Variants in SGCD observed in about 807,000 individuals in gnomAD.
SGCD encodes the protein delta-sarcoglycan.
In SGCD, 18 loss-of-function variants were observed where a neutral mutation model predicts 36.6. The observed-to-expected ratio is 0.49, with a 90% CI of 0.34 to 0.73. The LOEUF (loss-of-function observed/expected upper bound fraction) is 0.73. SGCD is among the 30% of genes least tolerant of loss of function. The probability of loss-of-function intolerance (pLI) is 0.01; values close to 1 mark genes in which losing one functional copy is unlikely to be tolerated. For missense variants in SGCD, 387 were observed against 346.7 expected (o/e 1.12, Z -0.92); for synonymous variants, 133 against 130.6 (o/e 1.02, Z -0.12).
chr5:156,441,139 G>C (rs1483566462), intron 3 of SGCD, among the ~76,000 whole-genome samples: 1 of 152,124 alleles, frequency 6.6e-6, no homozygotes, highest in Non-Finnish European at 1.5e-5. Context: ...GTTGGTGGGA[G>C]TGGCTTTGGA....
At position 155,968,815 on chromosome 5, in the gene SGCD, G is replaced by A. The variant is rs928503983; in HGVS notation, c.-282+98391G>A. ...TGTAGTCCCTGCTCTATAAACACTA[G>A]TTAAATGTGTGGGTGTGTCTTCCAG... On this transcript the variant is annotated intron_variant, in intron 1 of 9. Coordinates refer to the SGCD transcript ENST00000517913. Among the ~76,000 whole-genome samples the A allele has an allele frequency of 2.6e-5, 4 of 152,070 alleles. 1 individual carries two copies. Among genetic ancestry groups the A allele is most frequent in the Admixed American group, 2.6e-4 (4 of 15,252 alleles).
At chr5:156,529,571 C>T (rs990007549) in intron 4 of SGCD, among the ~76,000 whole-genome samples, 2 of 150,448 alleles carry the variant, frequency 1.3e-5, no homozygotes, top group African/African-American at 4.9e-5. Flanking sequence ...TCCATCAAAA[C>T]AGATTCATCT....
intron 3 of SGCD, among the ~76,000 whole-genome samples, chr5:156,216,752 A>G (rs1047978852): frequency 6.6e-6 from 1 of 152,248 alleles, no homozygotes; most frequent in Non-Finnish European, 1.5e-5. Context: ...TACCTAAATA[A>G]TATACATTTT....
At chr5:156,692,165 C>G (rs1286730145) in intron 7 of SGCD, among the ~76,000 whole-genome samples, 2 of 152,196 alleles carry the variant, frequency 1.3e-5, no homozygotes, top group African/African-American at 4.8e-5. Context: ...CATCTCAAGA[C>G]TCTACAAAGT....
intron 3 of SGCD, among the ~76,000 whole-genome samples, chr5:156,240,024 G>A (rs906309275): frequency 6.6e-6 from 1 of 152,146 alleles, no homozygotes; most frequent in African/African-American, 2.4e-5. Flanking sequence ...GGCCAAGTCG[G>A]GACTGTGGGG....
chr5:155,788,803 C>A, the SGCD span, among the ~76,000 whole-genome samples: 5 of 152,076 alleles, frequency 3.3e-5, no homozygotes, highest in African/African-American at 1.2e-4. Context: ...CATCACTAGG[C>A]AGAACATCCT....
At chr5:156,222,452 T>C (rs1764738137) in intron 3 of SGCD, among the ~76,000 whole-genome samples, 4 of 152,132 alleles carry the variant, frequency 2.6e-5, no homozygotes, top group Non-Finnish European at 5.9e-5. Context: ...GAAACTCTTA[T>C]ATCTGACATC....
chr5:156,622,453 T>C (rs1452723116), intron 6 of SGCD, among the ~76,000 whole-genome samples: 1 of 141,594 alleles, frequency 7.1e-6, no homozygotes, highest in Non-Finnish European at 1.5e-5. Flanking sequence ...ATAATAATAA[T>C]AATAATAATA....
intron 6 of SGCD, among the ~76,000 whole-genome samples, chr5:156,607,498 TAA>T (rs1455521591): frequency 2.0e-5 from 3 of 152,248 alleles, no homozygotes; most frequent in African/African-American, 7.2e-5. Context: ...GATATTGGTC[TAA>T]AATTCTCTTT....
At chr5:155,963,735 A>G (rs1353908907) in intron 1 of SGCD, among the ~76,000 whole-genome samples, 1 of 152,112 alleles carries the variant, frequency 6.6e-6, no homozygotes, top group Non-Finnish European at 1.5e-5. Context: ...AGTCTTCCTT[A>G]TTCTCCTCTT....
chr5:155,797,082 C>T, the SGCD span, among the ~76,000 whole-genome samples: 2 of 151,986 alleles, frequency 1.3e-5, no homozygotes, highest in African/African-American at 4.8e-5. Context: ...TCTAAAGATA[C>T]TAAAAATGTG....
chr5:156,185,271 G>A (rs533301349), intron 3 of SGCD, among the ~76,000 whole-genome samples: 4 of 146,772 alleles, frequency 2.7e-5, no homozygotes, highest in Non-Finnish European at 5.9e-5. Flanking sequence ...CTGGAGTGCA[G>A]TGGCACAATC....
At chr5:155,946,638 CA>C (rs1757443104) in intron 1 of SGCD, among the ~76,000 whole-genome samples, 1 of 151,956 alleles carries the variant, frequency 6.6e-6, no homozygotes, top group Admixed American at 6.6e-5. Context: ...GTTTTCATGC[CA>C]AAAACAACAC....
chr5:156,114,800 G>A (rs866751371), intron 1 of SGCD, among the ~76,000 whole-genome samples: 2 of 151,984 alleles, frequency 1.3e-5, no homozygotes, highest in African/African-American at 2.4e-5. Context: ...ATTGATTAAT[G>A]TTCTTACAGG....
the SGCD span, among the ~76,000 whole-genome samples, chr5:155,828,982 C>T: frequency 1.3e-5 from 2 of 151,732 alleles, no homozygotes; most frequent in Non-Finnish European, 2.9e-5. Flanking sequence ...ATCACTTCTA[C>T]TATTATTATT....
the SGCD span, among the ~76,000 whole-genome samples, chr5:155,772,957 A>G: frequency 2.0e-5 from 3 of 152,062 alleles, no homozygotes; most frequent in Non-Finnish European, 4.4e-5. Context: ...TGGAACTCTT[A>G]CCCACCAGGA....
At position 156,281,664 on chromosome 5, in the gene SGCD, T is replaced by C. The variant is rs561323131; in HGVS notation, c.-43-47870T>C. Among the ~76,000 whole-genome samples the C allele has an allele frequency of 7.0e-4, 106 of 151,554 alleles. 1 individual carries two copies. The highest frequency in any genetic ancestry group is 7.2e-4 in the Non-Finnish European group (49 of 67,980). ...GTGGAGGAAAGGTTTGACAAAAAAA[T>C]AGATATACAAAACATATAAAATATC... On this transcript the variant is annotated intron_variant, in intron 3 of 9. Transcript: ENST00000517913.
At chr5:156,505,727 G>A (rs1263071506) in intron 3 of SGCD, among the ~76,000 whole-genome samples, 12 of 151,880 alleles carry the variant, frequency 7.9e-5, no homozygotes, top group Non-Finnish European at 4.4e-5. Flanking sequence ...AGAAAACAGA[G>A]GAATACATAA....
intron 1 of SGCD, among the ~76,000 whole-genome samples, chr5:155,933,599 C>T (rs970911703): frequency 1.3e-5 from 2 of 152,128 alleles, no homozygotes; most frequent in Admixed American, 6.5e-5. Context: ...TGGCCAAGTG[C>T]ATAGGTTTTG....
Sources: allele counts gnomAD v4.1 joint callset (sites outside exome capture counted in the v4.1 genomes callset), GRCh38; gene constraint gnomAD v4.1.1; transcripts MANE v1.5; gene names NCBI Gene and HGNC (gene_info 2026-07-23, HGNC 2026-07-21).